The following THRAP3 variants were observed in gnomAD, a reference collection of about 807,000 sequenced individuals.
THRAP3 encodes the protein thyroid hormone receptor associated protein 3.
THRAP3 carries 16 observed loss-of-function variants against 101.0 expected under a neutral mutation model. The observed-to-expected ratio is 0.16, with a 90% confidence interval of 0.11 to 0.24. THRAP3 has a LOEUF of 0.24. THRAP3 is among the 10% of genes least tolerant of loss of function. The pLI is 1.00. For missense variants in THRAP3, 989 were observed against 1,202.7 expected (o/e 0.82, Z 2.63); for synonymous variants, 407 against 422.6 (o/e 0.96, Z 0.45).
upstream of THRAP3, chr1:36,224,410 G>A (rs1644934186): frequency 6.5e-6 from 1 of 153,020 alleles, no homozygotes; most frequent in South Asian, 2.1e-4. Flanking sequence ...GCCGTCGTCG[G>A]AGAGCGGAGA....
At chr1:36,213,120 C>T in the THRAP3 span, among the ~76,000 whole-genome samples, 1 of 152,186 alleles carries the variant, frequency 6.6e-6, no homozygotes, top group South Asian at 2.1e-4. Flanking sequence ...CAATGGAGGG[C>T]CTTGGAAGGT....
upstream of THRAP3, chr1:36,224,274 G>A (rs1644932097): frequency 6.6e-6 from 1 of 152,338 alleles, no homozygotes; most frequent in Non-Finnish European, 1.5e-5. Context: ...CCGAGCGCGT[G>A]ACGCAAAGCG....
intron 1 of THRAP3, among the ~76,000 whole-genome samples, chr1:36,246,841 CAAATAAATAAAT>C (rs377713773): frequency 3.3e-5 from 5 of 150,808 alleles, no homozygotes; most frequent in South Asian, 4.2e-4. Flanking sequence ...GACTCTGTCT[CAAATAAATAAAT>C]AAATAAATAA....
intron 4 of THRAP3, chr1:36,287,725 T>C: frequency 3.0e-6 from 3 of 985,454 alleles, no homozygotes; most frequent in Non-Finnish European, 3.6e-6. Flanking sequence ...TTGAGGAGAC[T>C]GGGCAGAATG....
At chr1:36,267,040 C>T (rs1348500274) in intron 2 of THRAP3, among the ~76,000 whole-genome samples, 2 of 152,004 alleles carry the variant, frequency 1.3e-5, no homozygotes, top group Non-Finnish European at 2.9e-5. Flanking sequence ...GCCAACACGC[C>T]CGGCTAAATT....
chr1:36,252,982 T>C (rs981641790), intron 1 of THRAP3, among the ~76,000 whole-genome samples: 1 of 129,150 alleles, frequency 7.7e-6, no homozygotes, highest in African/African-American at 2.8e-5. Context: ...ATGTAAATAA[T>C]GAGTATAATT....
chr1:36,224,869 GCCCTTCCCCCCA>G (rs1644943162), intron 1 of THRAP3: 2 of 152,382 alleles, frequency 1.3e-5, no homozygotes, highest in African/African-American at 4.8e-5. Context: ...ACTCCCGAGT[GCCCTTCCCCCCA>G]CCCAGTCCCC....
chr1:36,240,008 G>A (rs531817274), intron 1 of THRAP3, among the ~76,000 whole-genome samples: 82 of 152,138 alleles, frequency 5.4e-4, no homozygotes, highest in African/African-American at 1.9e-3. Context: ...GGCATGGTTT[G>A]TTACACAAAG....
At chr1:36,288,332 A>G (rs1342021388) in intron 4 of THRAP3, 1 of 955,538 alleles carries the variant, frequency 1.0e-6, no homozygotes, top group East Asian at 1.2e-4. Context: ...TGAGTTCCCA[A>G]AGTTCATTAT....
At position 36,289,246 on chromosome 1, in the gene THRAP3, C is replaced by G. The variant is rs575242728; in HGVS notation, c.1227C>G (p.Pro409=). Residue 409 remains proline, a synonymous_variant, in exon 5 of 12, where the codon CCC becomes CCG. Transcript: ENST00000354618. ...AGCCTTTTCGGGGCAGTCAGTCTCC[C>G]AAAAGGTATAAGCTCCGAGATGACT... ...SEKPFRGSQS[P]KRYKLRDDFE... 1.2e-6 allele frequency: 2 copies of G among 1,613,980 alleles called. No individual in the cohort carries two copies. The highest frequency in any genetic ancestry group is 4.5e-5 in the East Asian group (2 of 44,886).
chr1:36,293,272 GC>G (rs1645901655), intron 7 of THRAP3, among the ~76,000 whole-genome samples: 1 of 152,038 alleles, frequency 6.6e-6, no homozygotes, highest in Non-Finnish European at 1.5e-5. Context: ...CAGGTGACCT[GC>G]CCGCCTCAGC....
At chr1:36,262,959 A>ATTTTTTTTTTTTTT (rs55662646) in intron 2 of THRAP3, among the ~76,000 whole-genome samples, 11 of 104,364 alleles carry the variant, frequency 1.1e-4, no homozygotes, top group Non-Finnish European at 1.5e-4. Flanking sequence ...GGGCCGGCTA[A>ATTTTTTTTTTTTTT]TTTTTTTTTT....
Position 36,286,594 on chromosome 1 carries a change from C to T in THRAP3, c.364C>T (p.Arg122Ter). Residue 122 changes from arginine (R) to a stop codon, truncating the protein, a stop_gained, in exon 4 of 12, where the codon CGA (arginine) becomes TGA (stop). Transcript: ENST00000354618. LOFTEE classifies it high-confidence loss of function. The surrounding 1 kb of genome is among the most constrained non-coding windows in gnomAD (Gnocchi z 5.5). ...TTACCGGCAAGCATACAGTCCTCGT[C>T]GAGGCCGTTCAAGATCCCGGTCCCC... ...QNYRQAYSPR[R>*]GRSRSRSPKR... 6.2e-7 allele frequency: 1 copy of T among 1,614,144 alleles called. No homozygotes were observed. Among genetic ancestry groups the T allele is most frequent in the Non-Finnish European group, 8.5e-7 (1 of 1,180,028 alleles).
Position 36,304,300 on chromosome 1 carries a change from G to A in THRAP3, c.*283G>A. ...TTGTTGGTGTGTGGGGTGGGGGCAGGGGTAGGGCGGGAGAGCGATGCTTGG... is the reference window on the plus strand; with the variant it reads ...TTGTTGGTGTGTGGGGTGGGGGCAGAGGTAGGGCGGGAGAGCGATGCTTGG... On this transcript the variant is annotated 3_prime_UTR_variant, in exon 12 of 12. Coordinates refer to ENST00000354618, the MANE Select transcript of THRAP3 (RefSeq NM_005119.4). 1 of 311,590 alleles carries A rather than the reference G, an allele frequency of 3.2e-6. No individual in the cohort carries two copies. Among genetic ancestry groups the A allele is most frequent in the Non-Finnish European group, 5.9e-6 (1 of 169,046 alleles). 19.3% of individuals were successfully genotyped at this position (311,590 alleles called of 1,614,324 possible).
chr1:36,213,993 GAAAGGAAAGAAAGAAAGAAAGAAA>G, the THRAP3 span, among the ~76,000 whole-genome samples: 325 of 83,982 alleles, frequency 3.9e-3, no homozygotes, highest in Non-Finnish European at 5.5e-3. Flanking sequence ...AAGAAAGAAA[GAAAGGAAAGAAAGAAAGAAAGAAA>G]GAAAGAAAGA....
intron 2 of THRAP3, among the ~76,000 whole-genome samples, chr1:36,265,236 TTTA>T (rs1248408839): frequency 1.3e-5 from 2 of 152,190 alleles, no homozygotes; most frequent in East Asian, 3.8e-4. Flanking sequence ...AGTATGAAAC[TTTA>T]TTATTAACTA....
chr1:36,216,738 C>A, the THRAP3 span, among the ~76,000 whole-genome samples: 1 of 152,006 alleles, frequency 6.6e-6, no homozygotes, highest in East Asian at 1.9e-4. Flanking sequence ...GTGATCACGC[C>A]ACTGCACTCC....
chr1:36,286,316 A>C lies in THRAP3; in HGVS notation c.138-52A>C. 3.3e-6 allele frequency: 5 copies of C among 1,507,572 alleles called. No individual in the cohort carries two copies. Among genetic ancestry groups the C allele is most frequent in the Non-Finnish European group, 4.4e-6 (5 of 1,124,202 alleles). The allele number at this position is 1,507,572 out of a possible 1,614,324, so 93.4% of individuals were successfully genotyped here. A position where few individuals can be genotyped will look rare whatever the true frequency, so the allele number is the denominator to read the frequency against. On this transcript the variant is annotated intron_variant, in intron 3 of 11. Transcript: ENST00000354618. The surrounding 1 kb of genome is among the most constrained non-coding windows in gnomAD (Gnocchi z 5.5). ...TTTCAGAACAGATTTTTCTTGAATAAAAATGCTTGTGTCAAAAATTCAAAC... is the reference window on the plus strand; with the variant it reads ...TTTCAGAACAGATTTTTCTTGAATACAAATGCTTGTGTCAAAAATTCAAAC...
intron 2 of THRAP3, among the ~76,000 whole-genome samples, chr1:36,268,768 C>T (rs192048691): frequency 6.6e-6 from 1 of 152,096 alleles, no homozygotes; most frequent in East Asian, 1.9e-4. Flanking sequence ...ATCTGTCACC[C>T]AGGCTGGAGT....
Sources: allele counts gnomAD v4.1 joint callset (sites outside exome capture counted in the v4.1 genomes callset), GRCh38; gene constraint gnomAD v4.1.1; non-coding constraint Gnocchi (gnomAD v3.1); transcripts MANE v1.5; gene names NCBI Gene and HGNC (gene_info 2026-07-23, HGNC 2026-07-21).